STAB2: variants seen among roughly 807,000 people sequenced by gnomAD.
The protein encoded by STAB2 is stabilin-2.
In STAB2, 288 loss-of-function variants were observed where a neutral mutation model predicts 338.1. The observed-to-expected ratio is 0.85, with a 90% CI of 0.77 to 0.94. The LOEUF is 0.94. Ranked by LOEUF, STAB2 falls within the 40% of genes least tolerant of loss-of-function variation. STAB2 has a pLI of 0.00. For missense variants in STAB2, 3,141 were observed against 3,210.1 expected (o/e 0.98, Z 0.52); for synonymous variants, 1,202 against 1,193.3 (o/e 1.01, Z -0.15).
intron 3 of STAB2, among the ~76,000 whole-genome samples, chr12:103,612,686 C>T (rs991527781): frequency 3.9e-5 from 6 of 152,188 alleles, no homozygotes; most frequent in African/African-American, 7.2e-5. Flanking sequence ...TCTCTCAACT[C>T]GTCAAAGTCA....
At chr12:103,617,860 T>C (rs765354081) in intron 3 of STAB2, among the ~76,000 whole-genome samples, 2 of 152,214 alleles carry the variant, frequency 1.3e-5, no homozygotes, top group Non-Finnish European at 2.9e-5. Context: ...TGAGCCTGGC[T>C]CTGCCACTGC....
At chr12:103,612,848 C>T (rs1279190541) in intron 3 of STAB2, among the ~76,000 whole-genome samples, 4 of 152,088 alleles carry the variant, frequency 2.6e-5, no homozygotes, top group Admixed American at 6.5e-5. Flanking sequence ...ATGAAGGTGA[C>T]GTACAGATGG....
intron 24 of STAB2, among the ~76,000 whole-genome samples, chr12:103,676,640 G>A (rs1876399530): frequency 6.6e-6 from 1 of 152,162 alleles, no homozygotes; most frequent in African/African-American, 2.4e-5. Context: ...ACCAAGTTCT[G>A]TTGTTGGTAG....
rs1593265357 is a variant in STAB2, at chr12:103,708,630, TTACTTC to T, written c.4288+96_4288+101del. The stretch of plus-strand genomic sequence containing the variant: ...TCTAAAATATAAATGACACCTTTTT[TTACTTC>T]TTCTGGCAATAAACATGATTCTTTC... On this transcript the variant is annotated intron_variant, in intron 39 of 68. Transcript: ENST00000388887. 4.4e-6 allele frequency: 5 copies of T among 1,142,338 alleles called. No homozygotes were observed. The East Asian group carries it at 1.2e-4, about 28-fold the overall frequency. The allele number at this position is 1,142,338 out of a possible 1,614,324, so 70.8% of individuals were successfully genotyped here.
At chr12:103,615,595 G>A (rs1957197674) in intron 3 of STAB2, among the ~76,000 whole-genome samples, 1 of 152,184 alleles carries the variant, frequency 6.6e-6, no homozygotes, top group African/African-American at 2.4e-5. Flanking sequence ...TCTAAGAGGT[G>A]CTTGTTAATG....
Position 103,660,741 on chromosome 12 carries a change from T to C in STAB2, c.1847T>C (p.Ile616Thr). 1.2e-6 allele frequency: 2 copies of C among 1,614,064 alleles called. No homozygotes were observed. The highest frequency in any genetic ancestry group is 2.2e-5 in the South Asian group (2 of 91,054). ...PHIRSMANQL[I>T]QFNTTDNGQI... ...ATCAGGAGCATGGCCAACCAGCTCA[T>C]ACAGTTCAACACCACCGACAATGTA... The change falls in exon 17 of 69, where the codon ATA (isoleucine) becomes ACA (threonine). Residue 616 changes from isoleucine (I) to threonine (T), a missense_variant. By Grantham distance (89) the Ile-to-Thr change is moderately conservative. Coordinates refer to ENST00000388887, the MANE Select transcript of STAB2 (RefSeq NM_017564.10).
intron 41 of STAB2, among the ~76,000 whole-genome samples, 200 bp from the exon 42 acceptor site, chr12:103,713,442 AC>A (rs1880043395): frequency 6.6e-6 from 1 of 152,220 alleles, no homozygotes. Context: ...TAGGATGTGT[AC>A]AGAATGCTAA....
chr12:103,668,005 G>A lies in STAB2; in HGVS notation c.2086-638G>A, dbSNP rs536135861. The stretch of plus-strand genomic sequence containing the variant: ...ACTATCAGTGTTTCTTGGAAAAAAT[G>A]ATTTAACCTGTCTGGGCCTGTTTCC... On this transcript the variant is annotated intron_variant, in intron 19 of 68. Coordinates refer to ENST00000388887, the MANE Select transcript of STAB2 (RefSeq NM_017564.10). Among the ~76,000 whole-genome samples the A allele has an allele frequency of 2.8e-4, 43 of 152,304 alleles. 1 individual carries two copies. In the South Asian group the frequency reaches 8.7e-3, roughly 31 times the overall value.
chr12:103,756,451 T>C (rs1349174651), intron 63 of STAB2, among the ~76,000 whole-genome samples: 1 of 149,112 alleles, frequency 6.7e-6, no homozygotes, highest in Non-Finnish European at 1.5e-5. Context: ...AACCCTCAGA[T>C]AGCAGGTGGC....
In STAB2 at chr12:103,711,582, T is replaced by G; in HGVS notation, c.4334+66T>G. Reference sequence around the variant, plus strand: ...GATTTTTTCCCAATATTGTCTACCCTAGTCTCTATCCTCAGGGGATTTGTT... The same window carrying G: ...GATTTTTTCCCAATATTGTCTACCCGAGTCTCTATCCTCAGGGGATTTGTT... On this transcript the variant is annotated intron_variant, in intron 40 of 68. Coordinates refer to ENST00000388887, the MANE Select transcript of STAB2 (RefSeq NM_017564.10). 3 of 1,562,198 alleles carry G rather than the reference T, an allele frequency of 1.9e-6. No individual in the cohort carries two copies. The South Asian group carries it at 3.4e-5, about 18-fold the overall frequency.
At chr12:103,662,327 A>C (rs1874693566) in intron 17 of STAB2, among the ~76,000 whole-genome samples, 1 of 152,142 alleles carries the variant, frequency 6.6e-6, no homozygotes, top group South Asian at 2.1e-4. Context: ...TGTCATTAAT[A>C]CTGCAGGGGG....
At chr12:103,668,428 C>G in intron 19 of STAB2, 1 of 541,778 alleles carries the variant, frequency 1.8e-6, no homozygotes, top group East Asian at 3.2e-5. Flanking sequence ...ATGGATGATG[C>G]AAACTCTGGC....
At chr12:103,647,315 C>G (rs202241521) in intron 9 of STAB2, among the ~76,000 whole-genome samples, 1 of 152,010 alleles carries the variant, frequency 6.6e-6, no homozygotes, top group Non-Finnish European at 1.5e-5. Flanking sequence ...TAGAAACACA[C>G]GTGGATTAAC....
chr12:103,703,953 A>G (rs1243561279), intron 35 of STAB2, among the ~76,000 whole-genome samples: 1 of 152,200 alleles, frequency 6.6e-6, no homozygotes, highest in African/African-American at 2.4e-5. Context: ...TAACTAATAC[A>G]TGCAGGTTCA....
At chr12:103,670,638 T>C in intron 21 of STAB2, 58 bp from the exon 22 acceptor site, 3 of 1,382,826 alleles carry the variant, frequency 2.2e-6, no homozygotes, top group Non-Finnish European at 3.1e-6. Flanking sequence ...GGCCATGAAA[T>C]GAAAACACCT....
At position 103,749,175 on chromosome 12, in the gene STAB2, G is replaced by T; in HGVS notation, c.6438+19G>T. On this transcript the variant is annotated intron_variant, in intron 59 of 68. Transcript: ENST00000388887. The stretch of plus-strand genomic sequence containing the variant: ...AGGCCCGGTGAGTCGCTCTTTCCCA[G>T]GGAAATTTGGGAGCAGCGCCGTGGG... 6.3e-7 allele frequency: 1 copy of T among 1,580,892 alleles called. No homozygotes were observed.
intron 23 of STAB2, 21 bp from the exon 24 acceptor site, chr12:103,675,907 A>G (rs1876301529): frequency 1.3e-6 from 2 of 1,595,028 alleles, no homozygotes; most frequent in East Asian, 2.2e-5. Context: ...TGGGGCTGAT[A>G]TTGCACACTC....
chr12:103,736,996 CT>C (rs535126962), intron 52 of STAB2, among the ~76,000 whole-genome samples: 142 of 152,322 alleles, frequency 9.3e-4, no homozygotes, highest in Non-Finnish European at 1.5e-3. Flanking sequence ...TTGATTATGC[CT>C]GGTACATGTG....
intron 34 of STAB2, among the ~76,000 whole-genome samples, chr12:103,702,597 C>G (rs929279702): frequency 1.3e-5 from 2 of 152,248 alleles, no homozygotes; most frequent in African/African-American, 4.8e-5. Flanking sequence ...CCGCGCCCGG[C>G]CTATCAGTTA....
Sources: allele counts gnomAD v4.1 joint callset (sites outside exome capture counted in the v4.1 genomes callset), GRCh38; gene constraint gnomAD v4.1.1; transcripts MANE v1.5; gene names NCBI Gene and HGNC (gene_info 2026-07-23, HGNC 2026-07-21).